FADS2: variants seen among roughly 807,000 people sequenced by gnomAD.
FADS2 encodes the protein fatty acid desaturase 2, also known as acyl-CoA 6-desaturase.
A neutral mutation model predicts 61.2 loss-of-function variants in FADS2; 18 were observed. The observed-to-expected ratio is 0.29, with a 90% CI of 0.20 to 0.44. The LOEUF (loss-of-function observed/expected upper bound fraction) is 0.44, where lower values mean the gene tolerates loss of function less well. Among genes scored for constraint, FADS2 ranks in the 20% least tolerant of loss-of-function variants. FADS2 has a pLI of 1.00. For missense variants in FADS2, 322 were observed against 572.7 expected, an observed-to-expected ratio of 0.56 and a Z score of 4.47; for synonymous variants, 203 against 223.9, an observed-to-expected ratio of 0.91 and a Z score of 0.83.
intron 6 of FADS2, 73 bp downstream of exon 6, chr11:61,857,144 C>G: frequency 2.4e-6 from 3 of 1,264,218 alleles, no homozygotes. Context: ...CTCCCTCCTA[C>G]CTGACATCTT....
At position 61,863,311 on chromosome 11, in the gene FADS2, T is replaced by C; in HGVS notation, c.1010T>C (p.Val337Ala). The change falls in exon 9 of 12, where the codon GTC becomes GCC. Residue 337 changes from valine to alanine, a missense_variant. This residue lies in a region of FADS2 where 221 missense variants were observed against 427.9 expected (regional missense o/e 0.52). Transcript: ENST00000278840. ...CTGGAGAGCCACTGGTTTGTGTGGG[T>C]CACACAGATGAATCACATCGTCATG... ...RFLESHWFVWVTQMNHIVMEI... is the reference protein window; with the variant it reads ...RFLESHWFVWATQMNHIVMEI... The C allele has an allele frequency of 6.2e-7, 1 of 1,613,806 alleles. No homozygotes were observed. The highest frequency in any genetic ancestry group is 2.2e-5 in the East Asian group (1 of 44,846).
At chr11:61,833,591 G>A (rs929556067) in intron 1 of FADS2, among the ~76,000 whole-genome samples, 3 of 152,200 alleles carry the variant, frequency 2.0e-5, no homozygotes, top group East Asian at 3.9e-4. Context: ...GCCAACCTAC[G>A]CCTGATTTCT....
At chr11:61,818,248 G>C (rs2067003895) in intron 1 of FADS2, among the ~76,000 whole-genome samples, 1 of 152,158 alleles carries the variant, frequency 6.6e-6, no homozygotes, top group Admixed American at 6.5e-5. Flanking sequence ...GAAAATTGAG[G>C]TTCGAAATGG....
intron 7 of FADS2, among the ~76,000 whole-genome samples, chr11:61,858,246 C>T (rs1340884433): frequency 7.4e-5 from 8 of 108,196 alleles, no homozygotes; most frequent in Admixed American, 4.9e-4. Flanking sequence ...GGTGTGATCT[C>T]GACTCAACTG....
Position 61,816,481 on chromosome 11 carries a change from G to C in FADS2, c.141+55G>C. 1 of 1,601,394 alleles carries C rather than the reference G, an allele frequency of 6.2e-7. No individual in the cohort carries two copies. The highest frequency in any genetic ancestry group is 2.2e-5 in the East Asian group (1 of 44,808). On this transcript the variant is annotated intron_variant, in intron 1 of 11. Transcript: ENST00000257261. The surrounding 1 kb of genome is among the most constrained non-coding windows in gnomAD (Gnocchi z 7.0). Reference sequence around the variant, plus strand: ...CGAATTAGTCGGTGTTTGGCTCGGAGTGCGTAACTCTGTCTCCCCTGCACT... The same window carrying C: ...CGAATTAGTCGGTGTTTGGCTCGGACTGCGTAACTCTGTCTCCCCTGCACT...
chr11:61,856,527 C>T (rs1168053856), intron 5 of FADS2: 1 of 153,566 alleles, frequency 6.5e-6, no homozygotes, highest in African/African-American at 2.4e-5. Context: ...CCTAGGTTCT[C>T]CCTGCCACTG....
upstream of FADS2, among the ~76,000 whole-genome samples, chr11:61,824,392 A>G (rs1324630719): frequency 3.0e-5 from 3 of 98,854 alleles, no homozygotes; most frequent in African/African-American, 3.7e-5. Context: ...GGGGGAAAAA[A>G]AAAGAGAGAG....
upstream of FADS2, chr11:61,827,959 G>A: frequency 2.3e-6 from 2 of 857,096 alleles, no homozygotes; most frequent in Non-Finnish European, 2.8e-6. This position sits in a 1 kb window ranked among gnomAD's most constrained non-coding sequence, Gnocchi z 4.5. Context: ...CAGGCGGGGC[G>A]ACGCGACCGG....
intron 4 of FADS2, among the ~76,000 whole-genome samples, chr11:61,844,805 G>A (rs1489965968): frequency 1.3e-5 from 2 of 150,078 alleles, no homozygotes; most frequent in African/African-American, 2.5e-5. Flanking sequence ...CACGCCTGCA[G>A]TCCCAGCTGC....
chr11:61,850,992 G>A (rs1345222028), intron 5 of FADS2, among the ~76,000 whole-genome samples: 1 of 152,164 alleles, frequency 6.6e-6, no homozygotes, highest in Non-Finnish European at 1.5e-5. Context: ...CTGTAACATG[G>A]CCAATTCGCA....
chr11:61,825,857 C>T (rs1591162701), upstream of FADS2, among the ~76,000 whole-genome samples: 1 of 152,250 alleles, frequency 6.6e-6, no homozygotes, highest in African/African-American at 2.4e-5. Flanking sequence ...CGCACCACTG[C>T]ACTCTAGCCT....
At chr11:61,826,302 T>A, upstream of FADS2, 1 of 702,634 alleles carries the variant, frequency 1.4e-6, no homozygotes, top group Non-Finnish European at 2.6e-6. Context: ...TGGCTGGTAC[T>A]GTGCTGGGAG....
At chr11:61,822,705 C>T (rs534440524) in intron 1 of FADS2, among the ~76,000 whole-genome samples, 1 of 152,244 alleles carries the variant, frequency 6.6e-6, no homozygotes, top group East Asian at 1.9e-4. Context: ...CAAATGATCT[C>T]TCTTTAAAAT....
At chr11:61,838,198 G>A (rs1039244556) in intron 2 of FADS2, among the ~76,000 whole-genome samples, 1 of 152,198 alleles carries the variant, frequency 6.6e-6, no homozygotes, top group Non-Finnish European at 1.5e-5. Flanking sequence ...ACCGAAAAAT[G>A]TCATTTGATG....
At chr11:61,859,361 G>T (rs540366740) in intron 7 of FADS2, among the ~76,000 whole-genome samples, 4 of 152,276 alleles carry the variant, frequency 2.6e-5, no homozygotes, top group Non-Finnish European at 4.4e-5. Context: ...CCGGCCTGTT[G>T]ATTACTGTTT....
At chr11:61,825,082 G>T (rs540615481), upstream of FADS2, among the ~76,000 whole-genome samples, 6 of 152,026 alleles carry the variant, frequency 3.9e-5, no homozygotes, top group Admixed American at 2.6e-4. Flanking sequence ...CTCCTAAAGT[G>T]CTGGGATTAT....
At chr11:61,824,030 C>T (rs1394629986), upstream of FADS2, among the ~76,000 whole-genome samples, 1 of 152,130 alleles carries the variant, frequency 6.6e-6, no homozygotes, top group Non-Finnish European at 1.5e-5. Flanking sequence ...ATGTATGGCA[C>T]TTTCACATAC....
upstream of FADS2, chr11:61,826,320 G>A (rs1409565384): frequency 1.4e-6 from 1 of 702,544 alleles, no homozygotes; most frequent in South Asian, 1.5e-5. Context: ...GAGCCGCTGG[G>A]GACCCCAGGC....
At chr11:61,847,905 C>T (rs932376219) in intron 4 of FADS2, 7 of 455,152 alleles carry the variant, frequency 1.5e-5, no homozygotes, top group South Asian at 4.3e-5. Context: ...CTCAGCAGCA[C>T]GCCTCATCTG....
Sources: gnomAD v4.1 joint callset for allele counts (sites outside exome capture counted in the v4.1 genomes callset) on GRCh38, gnomAD v4.1.1 for gene constraint, gnomAD v4.1.1 regional missense constraint, Gnocchi (gnomAD v3.1) non-coding constraint, MANE v1.5 for transcripts, NCBI Gene and HGNC (gene_info 2026-07-23, HGNC 2026-07-21) for gene names.